The following IL12RB2 variants were observed in gnomAD, a reference collection of about 807,000 sequenced individuals.
The protein encoded by IL12RB2 is interleukin 12 receptor subunit beta 2.
IL12RB2 carries 82 observed loss-of-function variants against 89.4 expected under a neutral mutation model. The observed-to-expected ratio is 0.92, with a 90% CI of 0.77 to 1.10. The LOEUF (loss-of-function observed/expected upper bound fraction) is 1.10, where lower values mean the gene tolerates loss of function less well. IL12RB2 is among the 50% of genes least tolerant of loss of function. The probability of loss-of-function intolerance (pLI) is 0.00; values close to 1 mark genes in which losing one functional copy is unlikely to be tolerated. For missense variants in IL12RB2, 963 were observed against 1,031.9 expected (o/e 0.93, Z 0.92); for synonymous variants, 368 against 370.1 (o/e 0.99, Z 0.07).
rs1450043755 is a variant in IL12RB2, at chr1:67,321,634, C to T, written c.109C>T (p.Pro37Ser). 6.2e-7 allele frequency: 1 copy of T among 1,605,610 alleles called. No homozygotes were observed. The highest frequency in any genetic ancestry group is 2.2e-5 in the East Asian group (1 of 44,826). Residue 37 changes from proline (P) to serine (S), a missense_variant, in exon 4 of 17, where the codon CCT becomes TCT. Transcript: ENST00000674203. ...CAAGAGAGGCGATGTGACTGTGAAG[C>T]CTTCCCATGTAATTTTACTTGGATC... The part of the protein sequence containing the change: ...ACKRGDVTVK[P>S]SHVILLGSTV...
At chr1:67,323,970 G>A (rs773910067) in intron 4 of IL12RB2, among the ~76,000 whole-genome samples, 27 of 152,288 alleles carry the variant, frequency 1.8e-4, no homozygotes, top group Admixed American at 3.3e-4. Flanking sequence ...ATATTGAACA[G>A]TGATTCAGAT....
chr1:67,334,873 C>T (rs1344497797), intron 8 of IL12RB2, among the ~76,000 whole-genome samples: 1 of 152,210 alleles, frequency 6.6e-6, no homozygotes, highest in African/African-American at 2.4e-5. Flanking sequence ...GCCCATGGGC[C>T]GTAGTTTGCT....
In IL12RB2 at chr1:67,372,702, G is replaced by T. The variant is rs1399754267; in HGVS notation, c.1636G>T (p.Val546Phe). ...SILISWNSIP[V>F]QEQMGCLLHY... The stretch of plus-strand genomic sequence containing the variant: ...TTTAATTTCATGGAACAGCATTCCA[G>T]TCCAGGAGCAAATGGGCTGCCTCCT... The change falls in exon 13 of 17, where the codon GTC becomes TTC. Residue 546 changes from valine (V) to phenylalanine (F), a missense_variant. Physicochemically the swap from Val to Phe is conservative, Grantham distance 50. Transcript: ENST00000674203. 5.0e-6 allele frequency: 8 copies of T among 1,609,134 alleles called. No homozygotes were observed. The highest frequency in any genetic ancestry group is 6.0e-6 in the Non-Finnish European group (7 of 1,175,414).
rs890712622 is a variant in IL12RB2 at position 67,329,575 on chromosome 1, C to G, written c.665-12C>G. On this transcript the variant is annotated splice_polypyrimidine_tract_variant and intron_variant, in intron 6 of 16. Coordinates refer to ENST00000674203, the MANE Select transcript of IL12RB2 (RefSeq NM_001374259.2). ...TCCTGAACCACACTTTTTTGTTTGT[C>G]CTGGTTACTAGTGAGGCCTCTTCCT... 46 of 1,547,504 alleles carry G rather than the reference C, an allele frequency of 3.0e-5. No homozygotes were observed. The highest frequency in any genetic ancestry group is 3.8e-5 in the Non-Finnish European group (42 of 1,119,380).
At chr1:67,318,923 T>C (rs1320237438) in intron 2 of IL12RB2, among the ~76,000 whole-genome samples, 1 of 152,000 alleles carries the variant, frequency 6.6e-6, no homozygotes, top group African/African-American at 2.4e-5. Context: ...GCTAAGGTCC[T>C]CCAAGAGTTA....
chr1:67,341,585 AAAG>A (rs150289480), intron 9 of IL12RB2, among the ~76,000 whole-genome samples: 2,993 of 146,666 alleles, frequency 0.02, 53 homozygotes, highest in African/African-American at 0.032. Flanking sequence ...GAAAGAAAGA[AAAG>A]AAAGGAAGGA....
At chr1:67,367,772 T>G (rs1373397693) in intron 10 of IL12RB2, 53 bp from the exon 11 acceptor site, 13 of 1,013,126 alleles carry the variant, frequency 1.3e-5, no homozygotes, top group Non-Finnish European at 1.9e-5. Flanking sequence ...GTTGTTTAAA[T>G]CTTTATCCCT....
intron 15 of IL12RB2, among the ~76,000 whole-genome samples, chr1:67,386,932 A>C (rs1208724821): frequency 5.5e-4 from 58 of 106,312 alleles, no homozygotes; most frequent in South Asian, 1.2e-3. Flanking sequence ...TTTTTCCCCC[A>C]AAAAAATTTT....
At chr1:67,392,632 T>C in intron 16 of IL12RB2, among the ~76,000 whole-genome samples, 1 of 141,500 alleles carries the variant, frequency 7.1e-6, no homozygotes, top group South Asian at 2.4e-4. Flanking sequence ...TCTTTTTTTT[T>C]TTTTTTTTTT....
intron 14 of IL12RB2, among the ~76,000 whole-genome samples, chr1:67,381,309 C>A (rs1664543639): frequency 1.3e-5 from 2 of 152,202 alleles, no homozygotes. Context: ...TTCTCTCTAG[C>A]AATGCTCATT....
chr1:67,381,991 TA>T (rs577162118), intron 14 of IL12RB2, among the ~76,000 whole-genome samples: 2 of 150,008 alleles, frequency 1.3e-5, no homozygotes, highest in African/African-American at 4.9e-5. Flanking sequence ...GTCTCAAAAA[TA>T]AAAAAAAATA....
intron 14 of IL12RB2, among the ~76,000 whole-genome samples, chr1:67,381,829 G>A (rs1275957403): frequency 6.7e-6 from 1 of 149,118 alleles, no homozygotes; most frequent in East Asian, 2.0e-4. Flanking sequence ...TAAGGACTCA[G>A]ACAAAAATTA....
intron 13 of IL12RB2, among the ~76,000 whole-genome samples, chr1:67,375,414 G>A (rs1663850764): frequency 6.6e-6 from 1 of 151,812 alleles, no homozygotes; most frequent in Non-Finnish European, 1.5e-5. Context: ...AAAATAAAAA[G>A]GAAAAGTACA....
chr1:67,348,110 G>A (rs531812574), intron 9 of IL12RB2, among the ~76,000 whole-genome samples: 4 of 152,008 alleles, frequency 2.6e-5, no homozygotes, highest in East Asian at 3.9e-4. Flanking sequence ...AAGAGTCGGC[G>A]GGCTCCTCCG....
In IL12RB2 at chr1:67,317,306, G is replaced by T. The variant is rs1428337758; in HGVS notation, c.-36-3027G>T. Among the ~76,000 whole-genome samples, 3 of 152,180 alleles carry T rather than the reference G, an allele frequency of 2.0e-5. No homozygotes were observed. In the South Asian group the frequency reaches 6.2e-4, roughly 32 times the overall value. Reference sequence around the variant, plus strand: ...TGGTTTAGAGACAGGGAGACCTGCAGATTTTGGCTTAAATCTGTGCTTCTC... The same window carrying T: ...TGGTTTAGAGACAGGGAGACCTGCATATTTTGGCTTAAATCTGTGCTTCTC... On this transcript the variant is annotated intron_variant, in intron 2 of 16. Transcript: ENST00000674203.
chr1:67,384,182 G>A (rs1395905070), intron 14 of IL12RB2, among the ~76,000 whole-genome samples: 1 of 152,258 alleles, frequency 6.6e-6, no homozygotes, highest in Non-Finnish European at 1.5e-5. Flanking sequence ...CGCCCCTGCA[G>A]CAAACTTCTG....
chr1:67,322,880 G>A (rs530102942), intron 4 of IL12RB2, among the ~76,000 whole-genome samples: 65 of 152,138 alleles, frequency 4.3e-4, no homozygotes, highest in Non-Finnish European at 7.9e-4. Flanking sequence ...CGCAACCTGT[G>A]GCCCATAGCC....
At chr1:67,382,394 G>A (rs1664698415) in intron 14 of IL12RB2, among the ~76,000 whole-genome samples, 1 of 152,132 alleles carries the variant, frequency 6.6e-6, no homozygotes, top group Non-Finnish European at 1.5e-5. Context: ...ATCAGAAGAG[G>A]AGTCTTTCTG....
rs1316499940 is a variant in IL12RB2 at position 67,386,609 on chromosome 1, C to A, written c.1886C>A (p.Pro629Gln). 3 of 1,613,520 alleles carry A rather than the reference C, an allele frequency of 1.9e-6. No individual in the cohort carries two copies. Among genetic ancestry groups the A allele is most frequent in the Non-Finnish European group, 2.5e-6 (3 of 1,179,678 alleles). The change falls in exon 15 of 17, where the codon CCA (proline) becomes CAA (glutamine). Residue 629 changes from proline to glutamine, a missense_variant. Pro to Gln is a moderately conservative substitution (Grantham distance 76). Coordinates refer to ENST00000674203, the MANE Select transcript of IL12RB2 (RefSeq NM_001374259.2). Reference protein sequence around the residue: ...GKANWMAFVAPSICIAIIMVG... With the variant: ...GKANWMAFVAQSICIAIIMVG... ...GCCAATTGGATGGCGTTTGTGGCAC[C>A]AAGCATTTGCATTGCTATCATCATG...
Sources: allele counts gnomAD v4.1 joint callset (sites outside exome capture counted in the v4.1 genomes callset), GRCh38; gene constraint gnomAD v4.1.1; transcripts MANE v1.5; gene names NCBI Gene and HGNC (gene_info 2026-07-23, HGNC 2026-07-21).